The following RAB27B variants were observed in gnomAD, a reference collection of about 807,000 sequenced individuals.
RAB27B encodes the protein ras-related protein Rab-27B.
A neutral mutation model predicts 24.6 loss-of-function variants in RAB27B; 15 were observed. The ratio of observed to expected loss-of-function variants is 0.61; its 90% confidence interval spans 0.41 to 0.94. The LOEUF is 0.94. RAB27B is among the 40% of genes least tolerant of loss of function. The pLI, the probability that RAB27B is intolerant of heterozygous loss-of-function variation, is 0.00. For missense variants in RAB27B, 261 were observed against 266.8 expected, an observed-to-expected ratio of 0.98 and a Z score of 0.15; for synonymous variants, 105 against 92.5, an observed-to-expected ratio of 1.14 and a Z score of -0.78.
intron 2 of RAB27B, among the ~76,000 whole-genome samples, chr18:54,804,158 C>T (rs1341701916): frequency 6.6e-6 from 1 of 152,150 alleles, no homozygotes; most frequent in Non-Finnish European, 1.5e-5. Flanking sequence ...TGCCTATGCA[C>T]ATTAAAGTTT....
intron 2 of RAB27B, chr18:54,745,245 T>G (rs778102290): frequency 1.1e-5 from 2 of 184,372 alleles, no homozygotes; most frequent in Non-Finnish European, 2.3e-5. Context: ...GGCCCCTCAG[T>G]GGGCCTGACA....
At chr18:54,748,968 C>A (rs1910344193) in intron 2 of RAB27B, among the ~76,000 whole-genome samples, 1 of 152,070 alleles carries the variant, frequency 6.6e-6, no homozygotes, top group African/African-American at 2.4e-5. Context: ...ATGGATGGGA[C>A]AAATTATGGA....
intron 1 of RAB27B, among the ~76,000 whole-genome samples, chr18:54,870,855 A>T (rs2145257342): frequency 6.6e-6 from 1 of 152,290 alleles, no homozygotes; most frequent in Admixed American, 6.5e-5. Context: ...GCGTCAAAAT[A>T]ATCTGGTAGG....
chr18:54,807,363 G>A (rs1400985357), intron 2 of RAB27B, among the ~76,000 whole-genome samples: 1 of 152,226 alleles, frequency 6.6e-6, no homozygotes, highest in African/African-American at 2.4e-5. Flanking sequence ...CTGACTTTGA[G>A]CATAAACCTT....
At chr18:54,830,577 T>C (rs1043233021) in intron 1 of RAB27B, among the ~76,000 whole-genome samples, 4 of 152,178 alleles carry the variant, frequency 2.6e-5, no homozygotes, top group African/African-American at 7.2e-5. Flanking sequence ...GAAGAATATG[T>C]CACTTTCTAA....
chr18:54,845,518 A>G (rs536527737), intron 1 of RAB27B, among the ~76,000 whole-genome samples: 1 of 152,196 alleles, frequency 6.6e-6, no homozygotes, highest in African/African-American at 2.4e-5. Flanking sequence ...AGAAAAAAAA[A>G]AGAAAATTGT....
At chr18:54,889,025 T>C (rs1029799909) in intron 5 of RAB27B, among the ~76,000 whole-genome samples, 199 bp from the exon 6 acceptor site, 34 of 152,134 alleles carry the variant, frequency 2.2e-4, no homozygotes, top group African/African-American at 8.0e-4. Context: ...AAACTGGTTG[T>C]AATCATACTA....
intron 1 of RAB27B, among the ~76,000 whole-genome samples, chr18:54,876,255 G>A (rs1912695836): frequency 6.6e-6 from 1 of 152,040 alleles, no homozygotes; most frequent in Non-Finnish European, 1.5e-5. Context: ...CCTCCACCTG[G>A]TCTCTCCCTT....
intron 2 of RAB27B, among the ~76,000 whole-genome samples, chr18:54,766,992 C>T (rs1334652085): frequency 6.6e-6 from 1 of 151,992 alleles, no homozygotes; most frequent in East Asian, 1.9e-4. Context: ...GGCATTTGGC[C>T]AAAGCTGACC....
intron 1 of RAB27B, among the ~76,000 whole-genome samples, chr18:54,866,777 G>A (rs1018742929): frequency 1.1e-4 from 16 of 152,174 alleles, no homozygotes; most frequent in African/African-American, 3.9e-4. Flanking sequence ...GGCACTGGGA[G>A]CCAAACCATT....
chr18:54,782,767 A>G (rs998261998), intron 2 of RAB27B, among the ~76,000 whole-genome samples: 1 of 152,192 alleles, frequency 6.6e-6, no homozygotes, highest in African/African-American at 2.4e-5. Flanking sequence ...CATGGTAACA[A>G]ATCAGTAAAC....
intron 3 of RAB27B, among the ~76,000 whole-genome samples, chr18:54,882,670 C>T (rs1912974084): frequency 6.6e-6 from 1 of 152,086 alleles, no homozygotes; most frequent in African/African-American, 2.4e-5. Flanking sequence ...ACAGAAAGAC[C>T]AGCATGTGTG....
chr18:54,743,457 G>A (rs1332430839), intron 2 of RAB27B, among the ~76,000 whole-genome samples: 1 of 152,174 alleles, frequency 6.6e-6, no homozygotes, highest in East Asian at 1.9e-4. Context: ...ATCAAGGGCC[G>A]AGAGAGTAGG....
At chr18:54,726,312 A>G (rs766172366) in intron 2 of RAB27B, among the ~76,000 whole-genome samples, 1 of 151,582 alleles carries the variant, frequency 6.6e-6, no homozygotes, top group Non-Finnish European at 1.5e-5. Flanking sequence ...GATGACGACA[A>G]CATTAAGAAA....
chr18:54,820,123 G>C (rs1568079860), intron 2 of RAB27B, among the ~76,000 whole-genome samples: 1 of 152,046 alleles, frequency 6.6e-6, no homozygotes, highest in Non-Finnish European at 1.5e-5. Flanking sequence ...ATAATCCTTT[G>C]GGTATATACC....
intron 2 of RAB27B, among the ~76,000 whole-genome samples, chr18:54,807,493 C>T (rs556621349): frequency 6.6e-6 from 1 of 152,250 alleles, no homozygotes; most frequent in Non-Finnish European, 1.5e-5. Context: ...CAGGATTGAA[C>T]ATGATAACTT....
chr18:54,846,454 CT>C (rs1295052023), intron 1 of RAB27B, among the ~76,000 whole-genome samples: 1 of 152,128 alleles, frequency 6.6e-6, no homozygotes, highest in African/African-American at 2.4e-5. Context: ...CTCTATTTAT[CT>C]CCTCCCATGA....
chr18:54,775,888 C>A (rs192877528), intron 2 of RAB27B, among the ~76,000 whole-genome samples: 1 of 152,196 alleles, frequency 6.6e-6, no homozygotes, highest in African/African-American at 2.4e-5. Flanking sequence ...ACCTACTGGG[C>A]GTCTAGGTGC....
intron 1 of RAB27B, among the ~76,000 whole-genome samples, chr18:54,839,479 T>C (rs548345096): frequency 2.2e-4 from 34 of 152,314 alleles, no homozygotes; most frequent in Non-Finnish European, 4.7e-4. Context: ...CAGTTTTAGG[T>C]AACCCAATTA....
Sources: allele counts gnomAD v4.1 joint callset (sites outside exome capture counted in the v4.1 genomes callset), GRCh38; gene constraint gnomAD v4.1.1; transcripts MANE v1.5; gene names NCBI Gene and HGNC (gene_info 2026-07-23, HGNC 2026-07-21).